The following RASSF5 variants were observed in gnomAD, a reference collection of about 807,000 sequenced individuals.
RASSF5 encodes the protein ras association domain-containing protein 5.
A neutral mutation model predicts 40.5 loss-of-function variants in RASSF5; 25 were observed. That is an observed-to-expected ratio of 0.62 (90% CI 0.45 to 0.86). The LOEUF (loss-of-function observed/expected upper bound fraction) is 0.86. Among genes scored for constraint, RASSF5 ranks in the 40% least tolerant of loss-of-function variants. The pLI, the probability that RASSF5 is intolerant of heterozygous loss-of-function variation, is 0.00. For synonymous variants in RASSF5, 246 were observed against 252.4 expected (o/e 0.97, Z 0.24); for missense variants, 521 against 572.8 (o/e 0.91, Z 0.92).
chr1:206,575,590 A>C (rs373086153), intron 2 of RASSF5, among the ~76,000 whole-genome samples: 25 of 152,234 alleles, frequency 1.6e-4, no homozygotes, highest in African/African-American at 6.0e-4. Context: ...CAGCCATGCT[A>C]GCTAGCCTCC....
chr1:206,583,121 G>A (rs1345697181), intron 2 of RASSF5, 148 bp from the exon 3 acceptor site: 2 of 595,576 alleles, frequency 3.4e-6, no homozygotes, highest in East Asian at 5.8e-5. Flanking sequence ...ACCTCTCATT[G>A]TCTCACTCCG....
At chr1:206,577,001 G>C (rs1553405308) in intron 2 of RASSF5, among the ~76,000 whole-genome samples, 2 of 149,010 alleles carry the variant, frequency 1.3e-5, no homozygotes, top group African/African-American at 2.5e-5. Flanking sequence ...TGTAGAGACA[G>C]GGTCTCACTA....
intron 2 of RASSF5, among the ~76,000 whole-genome samples, chr1:206,561,883 G>A (rs1668157683): frequency 6.6e-6 from 1 of 150,766 alleles, no homozygotes; most frequent in African/African-American, 2.4e-5. Context: ...ATGTTGGCCA[G>A]GTCTTGAACT....
chr1:206,557,177 G>T (rs1348809535), intron 2 of RASSF5: 5 of 1,021,546 alleles, frequency 4.9e-6, no homozygotes, highest in Non-Finnish European at 5.9e-6. Context: ...ACTGCTTTAC[G>T]CGAGGGGCAG....
chr1:206,584,454 C>G lies in RASSF5; in HGVS notation c.758C>G (p.Pro253Arg). Residue 253 changes from proline to arginine, a missense_variant, in exon 4 of 6, where the codon CCT becomes CGT. By Grantham distance (103) the Pro-to-Arg change is moderately radical (BLOSUM62 -2). This residue lies in a region of RASSF5 where 284 missense variants were observed against 360.8 expected (regional missense o/e 0.79). Coordinates refer to ENST00000579436, the MANE Select transcript of RASSF5 (RefSeq NM_182663.4). This position sits in a 1 kb window ranked among gnomAD's most constrained non-coding sequence, Gnocchi z 4.9. ...HLKLRRPVTV[P>R]AGIRPQSIYD... is the part of the protein sequence containing the mutation. ...AAACTCCGGCGGCCTGTGACGGTGCCTGCTGGGATCCGGCCCCAGTCCATC... is the reference window on the plus strand; with the variant it reads ...AAACTCCGGCGGCCTGTGACGGTGCGTGCTGGGATCCGGCCCCAGTCCATC... 2.5e-6 allele frequency: 4 copies of G among 1,614,186 alleles called. No individual in the cohort carries two copies. The highest frequency in any genetic ancestry group is 3.4e-6 in the Non-Finnish European group (4 of 1,180,032).
chr1:206,524,791 A>G (rs1211429665), intron 1 of RASSF5, among the ~76,000 whole-genome samples: 1 of 149,302 alleles, frequency 6.7e-6, no homozygotes, highest in African/African-American at 2.5e-5. Context: ...AATATAGTCT[A>G]TAGTTGAAGC....
intron 3 of RASSF5, 49 bp downstream of exon 3, chr1:206,583,428 C>CGGG (rs782648020): frequency 7.8e-7 from 1 of 1,289,836 alleles, no homozygotes; most frequent in Non-Finnish European, 1.1e-6. Flanking sequence ...CCACCCGCTT[C>CGGG]GGGTTTGGCG....
chr1:206,510,046 G>T (rs1666575510), intron 1 of RASSF5, among the ~76,000 whole-genome samples: 1 of 152,186 alleles, frequency 6.6e-6, no homozygotes, highest in African/African-American at 2.4e-5. Flanking sequence ...AGGAGTCTCT[G>T]TTTGTCATGA....
At chr1:206,586,777 C>G in intron 5 of RASSF5, 49 bp from the exon 6 acceptor site, 1 of 1,484,152 alleles carries the variant, frequency 6.7e-7, no homozygotes, top group Non-Finnish European at 9.3e-7. Context: ...CAACTTCTAA[C>G]CTGTCTCCTA....
chr1:206,561,383 C>A (rs1040221624), intron 2 of RASSF5, among the ~76,000 whole-genome samples: 1 of 152,316 alleles, frequency 6.6e-6, no homozygotes. Context: ...CACTCAACTT[C>A]AGGCTGGGTC....
At chr1:206,572,286 A>C (rs1247752799) in intron 2 of RASSF5, among the ~76,000 whole-genome samples, 1 of 152,186 alleles carries the variant, frequency 6.6e-6, no homozygotes, top group East Asian at 1.9e-4. Context: ...TCAGTGAACA[A>C]GCCAAAGACC....
At chr1:206,532,093 A>G (rs1430889434) in intron 1 of RASSF5, among the ~76,000 whole-genome samples, 1 of 152,186 alleles carries the variant, frequency 6.6e-6, no homozygotes, top group Non-Finnish European at 1.5e-5. Context: ...TAATTTTCCA[A>G]TGCATATTAT....
chr1:206,580,419 G>A (rs991756142), intron 2 of RASSF5, among the ~76,000 whole-genome samples: 6 of 152,144 alleles, frequency 3.9e-5, no homozygotes, highest in African/African-American at 7.2e-5. Flanking sequence ...GCCTACATGC[G>A]TCAGAGACAG....
rs912368465 is a variant in RASSF5 at position 206,579,477 on chromosome 1, T to C, written c.580-3792T>C. ...TCTTATCCTCTGAAGATTGCTATAG[T>C]ATCGATCTCGCTCTCATGGCAGATA... On this transcript the variant is annotated intron_variant, in intron 2 of 5. Coordinates refer to ENST00000579436, the MANE Select transcript of RASSF5 (RefSeq NM_182663.4). The surrounding 1 kb of genome is among the most constrained non-coding windows in gnomAD (Gnocchi z 4.2). Among the ~76,000 whole-genome samples, 1 of 152,286 alleles carries C rather than the reference T, an allele frequency of 6.6e-6. No individual in the cohort carries two copies. Among genetic ancestry groups the C allele is most frequent in the South Asian group, 2.1e-4 (1 of 4,828 alleles).
chr1:206,524,110 T>C (rs1177105890), intron 1 of RASSF5, among the ~76,000 whole-genome samples: 4 of 132,786 alleles, frequency 3.0e-5, no homozygotes, highest in African/African-American at 8.3e-5. Flanking sequence ...ATATAATATA[T>C]TTTATATATT....
chr1:206,583,063 G>T (rs1421835410), intron 2 of RASSF5: 1 of 512,494 alleles, frequency 2.0e-6, no homozygotes, highest in African/African-American at 1.9e-5. Flanking sequence ...AGAAATCTGA[G>T]TTACTTCTCC....
In RASSF5 at chr1:206,535,831, G is replaced by T. The variant is rs1270883557; in HGVS notation, c.458-2341G>T. Reference sequence around the variant, plus strand: ...GTGCCAACAGGACAAGGAGCTAAAAGAGGAGGAGAGAGAAATTCCTCCTCT... The same window carrying T: ...GTGCCAACAGGACAAGGAGCTAAAATAGGAGGAGAGAGAAATTCCTCCTCT... On this transcript the variant is annotated intron_variant, in intron 1 of 5. Coordinates refer to ENST00000579436, the MANE Select transcript of RASSF5 (RefSeq NM_182663.4). This position sits in a 1 kb window ranked among gnomAD's most constrained non-coding sequence, Gnocchi z 5.0. Among the ~76,000 whole-genome samples the T allele has an allele frequency of 1.3e-5, 2 of 152,046 alleles. No homozygotes were observed. Among genetic ancestry groups the T allele is most frequent in the African/African-American group, 4.8e-5 (2 of 41,386 alleles).
intron 2 of RASSF5, among the ~76,000 whole-genome samples, chr1:206,568,928 A>G (rs1668357896): frequency 1.3e-5 from 2 of 152,224 alleles, no homozygotes; most frequent in African/African-American, 4.8e-5. Flanking sequence ...GAGCACCAAG[A>G]GTGTGCCGTG....
At position 206,588,119 on chromosome 1, in the gene RASSF5, C is replaced by G. The variant is rs529044713; in HGVS notation, c.*1141C>G. 1 of 152,810 alleles carries G rather than the reference C, an allele frequency of 6.5e-6. No homozygotes were observed. Among genetic ancestry groups the G allele is most frequent in the Non-Finnish European group, 1.5e-5 (1 of 68,070 alleles). 9.5% of individuals were successfully genotyped at this position (152,810 alleles called of 1,614,324 possible). A position where few individuals can be genotyped will look rare whatever the true frequency, so the allele number is the denominator to read the frequency against. ...GAGCCGGTGGGCCTGGCCTCCCCGT[C>G]GACCTCAGTGCCTTTTTGTTTTCAG... On this transcript the variant is annotated 3_prime_UTR_variant, in exon 6 of 6. Transcript: ENST00000579436.
Sources: gnomAD v4.1 joint callset for allele counts (sites outside exome capture counted in the v4.1 genomes callset) on GRCh38, gnomAD v4.1.1 for gene constraint, gnomAD v4.1.1 regional missense constraint, Gnocchi (gnomAD v3.1) non-coding constraint, MANE v1.5 for transcripts, NCBI Gene and HGNC (gene_info 2026-07-23, HGNC 2026-07-21) for gene names.